The following CCNDBP1 variants were observed in gnomAD, a reference collection of about 807,000 sequenced individuals.
The protein encoded by CCNDBP1 is cyclin D1 binding protein 1, also known as cyclin-D1-binding protein 1.
In CCNDBP1, 45 loss-of-function variants were observed where a neutral mutation model predicts 46.2. The ratio of observed to expected loss-of-function variants is 0.97; its 90% CI spans 0.77 to 1.25. The LOEUF (loss-of-function observed/expected upper bound fraction) is 1.25, where lower values mean the gene tolerates loss of function less well. Among genes scored for constraint, CCNDBP1 ranks in the 50% most tolerant of loss-of-function variants. CCNDBP1 has a pLI of 0.00. For missense variants in CCNDBP1, 436 were observed against 442.1 expected (o/e 0.99, Z 0.12); for synonymous variants, 154 against 163.6 (o/e 0.94, Z 0.45).
intron 3 of CCNDBP1, among the ~76,000 whole-genome samples, chr15:43,188,134 C>T (rs1356146925): frequency 6.6e-6 from 1 of 152,032 alleles, no homozygotes; most frequent in Non-Finnish European, 1.5e-5. Context: ...TTATCTCATC[C>T]CTGACTGGTC....
At chr15:43,189,162 T>C (rs1189381060) in intron 3 of CCNDBP1, 37 bp from the exon 4 acceptor site, 1 of 1,141,076 alleles carries the variant, frequency 8.8e-7, no homozygotes, top group African/African-American at 1.6e-5. Flanking sequence ...AGCAGAAGGG[T>C]TGACCACTTT....
chr15:43,190,299 A>G (rs2041927804), intron 5 of CCNDBP1, 26 bp from the exon 6 acceptor site: 11 of 1,612,034 alleles, frequency 6.8e-6, no homozygotes, highest in Non-Finnish European at 8.5e-6. Context: ...GGTTATTAAT[A>G]TATCCTTACT....
chr15:43,186,324 A>G, intron 3 of CCNDBP1, 91 bp downstream of exon 3: 1 of 983,958 alleles, frequency 1.0e-6, no homozygotes, highest in South Asian at 1.4e-5. Context: ...GCACGCCAGG[A>G]GATTTCTTTT....
Position 43,192,604 on chromosome 15 carries a change from T to C in CCNDBP1, c.861-139T>C, listed in dbSNP as rs958783225. 24 of 692,876 alleles carry C rather than the reference T, an allele frequency of 3.5e-5. No individual in the cohort carries two copies. The African/African-American group carries it at 3.7e-4, about 11-fold the overall frequency. 42.9% of individuals were successfully genotyped at this position (692,876 alleles called of 1,614,324 possible). ...AAAGACTGGTTGAACTCATTCTGTA[T>C]TGGTTGCCCAGTTGCCCAATTTTAA... On this transcript the variant is annotated intron_variant, in intron 8 of 10. Coordinates refer to ENST00000300213, the MANE Select transcript of CCNDBP1 (RefSeq NM_012142.5).
rs554385536 is a variant in CCNDBP1 at position 43,195,007 on chromosome 15, C to A, written c.*166C>A. Reference sequence around the variant, plus strand: ...GATTGTTGGTTAGGCCAGATTGACACCTATTTATAAACCATATGCGTATAT... The same window carrying A: ...GATTGTTGGTTAGGCCAGATTGACAACTATTTATAAACCATATGCGTATAT... On this transcript the variant is annotated 3_prime_UTR_variant, in exon 11 of 11. Transcript: ENST00000300213. 277 of 533,018 alleles carry A rather than the reference C, an allele frequency of 5.2e-4. 1 individual carries two copies. The highest frequency in any genetic ancestry group is 2.4e-3 in the South Asian group (83 of 35,144). The allele number at this position is 533,018 out of a possible 1,614,324, so 33.0% of individuals were successfully genotyped here. A position where few individuals can be genotyped will look rare whatever the true frequency, so the allele number is the denominator to read the frequency against.
intron 3 of CCNDBP1, among the ~76,000 whole-genome samples, 157 bp downstream of exon 3, chr15:43,186,390 G>T (rs1426241798): frequency 6.6e-6 from 1 of 152,224 alleles, no homozygotes; most frequent in African/African-American, 2.4e-5. Context: ...TGTGAAGACC[G>T]AATTGCCAAG....
At position 43,195,464 on chromosome 15, in the gene CCNDBP1, T is replaced by G. The variant is rs1187870225; in HGVS notation, c.*623T>G. 1 of 152,254 alleles carries G rather than the reference T, an allele frequency of 6.6e-6. No individual in the cohort carries two copies. The highest frequency in any genetic ancestry group is 2.4e-5 in the African/African-American group (1 of 41,474). The allele number at this position is 152,254 out of a possible 1,614,324, so 9.4% of individuals were successfully genotyped here. ...TGGCATTGAGCTCATTTGTTAGGTT[T>G]GCCCACCTTATTGAACAGATTTATT... is the stretch of plus-strand genomic sequence containing the variant. On this transcript the variant is annotated 3_prime_UTR_variant, in exon 11 of 11. Coordinates refer to ENST00000300213, the MANE Select transcript of CCNDBP1 (RefSeq NM_012142.5).
In CCNDBP1 at chr15:43,191,543, C is replaced by T. The variant is rs753079979; in HGVS notation, c.728C>T (p.Pro243Leu). Residue 243 changes from proline to leucine, a missense_variant, in exon 8 of 11, where the codon CCA becomes CTA. By Grantham distance (98) the Pro-to-Leu change is moderately conservative (BLOSUM62 -3). Coordinates refer to ENST00000300213, the MANE Select transcript of CCNDBP1 (RefSeq NM_012142.5). ...WSEDDQELII[P>L]CLALVRASKA... ...GAGGACGATCAAGAGCTCATAATCCCATGCCTTGCGCTGGTGAGAGCATCC... is the reference window on the plus strand; with the variant it reads ...GAGGACGATCAAGAGCTCATAATCCTATGCCTTGCGCTGGTGAGAGCATCC... The T allele has an allele frequency of 3.1e-6, 5 of 1,613,960 alleles. No individual in the cohort carries two copies. The highest frequency in any genetic ancestry group is 4.2e-6 in the Non-Finnish European group (5 of 1,180,018).
intron 3 of CCNDBP1, chr15:43,188,986 G>A: frequency 2.9e-5 from 10 of 340,726 alleles, no homozygotes; most frequent in Non-Finnish European, 5.2e-5. Context: ...GCTGAGGCAG[G>A]AGAACTGCTT....
Position 43,185,461 on chromosome 15 carries a change from C to T in CCNDBP1, c.-38C>T. The T allele has an allele frequency of 6.8e-7, 1 of 1,479,328 alleles. No homozygotes were observed. Among genetic ancestry groups the T allele is most frequent in the Non-Finnish European group, 9.2e-7 (1 of 1,088,324 alleles). 91.6% of individuals were successfully genotyped at this position (1,479,328 alleles called of 1,614,324 possible). A position where few individuals can be genotyped will look rare whatever the true frequency, so the allele number is the denominator to read the frequency against. Reference sequence around the variant, plus strand: ...CGCAGTGCGGCTCCGGCAGTGGCAGCGGAGGCCTGTGTTTGCGGCCTTCGG... The same window carrying T: ...CGCAGTGCGGCTCCGGCAGTGGCAGTGGAGGCCTGTGTTTGCGGCCTTCGG... On this transcript the variant is annotated 5_prime_UTR_variant, in exon 1 of 11. Transcript: ENST00000300213.
rs368094476 is a variant in CCNDBP1, at chr15:43,192,766, T to C, written c.884T>C (p.Ile295Thr). The change falls in exon 9 of 11, where the codon ATA becomes ACA. Residue 295 changes from isoleucine to threonine, a missense_variant. By Grantham distance (89) the Ile-to-Thr change is moderately conservative. Coordinates refer to ENST00000300213, the MANE Select transcript of CCNDBP1 (RefSeq NM_012142.5). ...SPSVDDLALS[I>T]YPPMCHLTVR... The stretch of plus-strand genomic sequence containing the variant: ...AGTGTGGATGATTTGGCTCTGAGCA[T>C]ATATCCACCTATGTGTCACCTGACC... 3.1e-6 allele frequency: 5 copies of C among 1,614,090 alleles called. No homozygotes were observed. Among genetic ancestry groups the C allele is most frequent in the African/African-American group, 1.3e-5 (1 of 74,936 alleles).
rs2041793056 is a variant in CCNDBP1, at chr15:43,185,558, G to A, written c.60G>A (p.Gln20=). ...AVPTLASPLE[Q]LRHLAEELRL... is the part of the protein sequence containing the mutation. ...CCACCCTGGCTTCGCCTTTGGAGCA[G>A]CTCCGGCACTTGGCGGAGGAGCTGC... The change falls in exon 1 of 11, where the codon CAG becomes CAA. Residue 20 remains glutamine, a synonymous_variant. Transcript: ENST00000300213. 1.3e-6 allele frequency: 2 copies of A among 1,593,642 alleles called. No homozygotes were observed. Among genetic ancestry groups the A allele is most frequent in the Non-Finnish European group, 1.7e-6 (2 of 1,172,616 alleles).
At chr15:43,191,101 TAAAG>T (rs2041942425) in intron 7 of CCNDBP1, 59 bp downstream of exon 7, 3 of 1,337,736 alleles carry the variant, frequency 2.2e-6, no homozygotes, top group South Asian at 1.2e-5. Context: ...GAATTAATTA[TAAAG>T]AGAGATTTCC....
chr15:43,191,072 C>A lies in CCNDBP1; in HGVS notation c.579+30C>A, dbSNP rs1356925251. 4 of 1,490,864 alleles carry A rather than the reference C, an allele frequency of 2.7e-6. No homozygotes were observed. The South Asian group carries it at 4.5e-5, about 17-fold the overall frequency. The allele number at this position is 1,490,864 out of a possible 1,614,324, so 92.4% of individuals were successfully genotyped here. On this transcript the variant is annotated intron_variant, in intron 7 of 10. Coordinates refer to ENST00000300213, the MANE Select transcript of CCNDBP1 (RefSeq NM_012142.5). ...GGGGACCTCCATCATTGGAAGGCAA[C>A]TCCTTGACTAGTAGATGAGAATTAA...
chr15:43,192,796 G>A lies in CCNDBP1; in HGVS notation c.914G>A (p.Arg305Gln), dbSNP rs776264677. The change falls in exon 9 of 11, where the codon CGA becomes CAA. Residue 305 changes from arginine (R) to glutamine (Q), a missense_variant. By Grantham distance (43) the Arg-to-Gln change is conservative. Transcript: ENST00000300213. Reference protein sequence around the residue: ...IYPPMCHLTVRINSAKLVSVL... With the variant: ...IYPPMCHLTVQINSAKLVSVL... Reference sequence around the variant, plus strand: ...CCACCTATGTGTCACCTGACCGTGCGAATCAATGTAAGTACTGGCTTTGAG... The same window carrying A: ...CCACCTATGTGTCACCTGACCGTGCAAATCAATGTAAGTACTGGCTTTGAG... 41 of 1,613,892 alleles carry A rather than the reference G, an allele frequency of 2.5e-5. No individual in the cohort carries two copies. The highest frequency in any genetic ancestry group is 3.3e-5 in the South Asian group (3 of 91,080).
At position 43,185,727 on chromosome 15, in the gene CCNDBP1, G is replaced by T; in HGVS notation, c.110-93G>T. ...CGCGGAGAGGGCGGGCTGGGGCGGCGGCGGGGAGCCGGGCTTGGGCGAGGG... is the reference window on the plus strand; with the variant it reads ...CGCGGAGAGGGCGGGCTGGGGCGGCTGCGGGGAGCCGGGCTTGGGCGAGGG... On this transcript the variant is annotated intron_variant, in intron 1 of 10. Transcript: ENST00000300213. 7 of 1,459,684 alleles carry T rather than the reference G, an allele frequency of 4.8e-6. 1 individual carries two copies. In the South Asian group the frequency reaches 7.7e-5, roughly 16 times the overall value. The allele number at this position is 1,459,684 out of a possible 1,614,324, so 90.4% of individuals were successfully genotyped here.
chr15:43,196,442 C>T lies in CCNDBP1; in HGVS notation c.*1601C>T, dbSNP rs1011606709. 3.3e-5 allele frequency: 5 copies of T among 151,922 alleles called. No homozygotes were observed. Among genetic ancestry groups the T allele is most frequent in the African/African-American group, 9.7e-5 (4 of 41,338 alleles). 9.4% of individuals were successfully genotyped at this position (151,922 alleles called of 1,614,324 possible). On this transcript the variant is annotated 3_prime_UTR_variant, in exon 11 of 11. Transcript: ENST00000300213. ...AGCTGGGACTACAGATGCACACCAC[C>T]ATGTCCAGCTAATTTTTGTATTTTT...
At position 43,194,830 on chromosome 15, in the gene CCNDBP1, C is replaced by A; in HGVS notation, c.1072C>A (p.Leu358Ile). ...AATCAAGGAGCTCACTCAGAGTGAA[C>A]TTGAATTATGACTTTTCAGGCTCAT... ...NRIKELTQSE[L>I]EL Residue 358 changes from leucine (L) to isoleucine (I), a missense_variant, in exon 11 of 11, where the codon CTT becomes ATT. Leu to Ile is a conservative substitution (Grantham distance 5). Coordinates refer to ENST00000300213, the MANE Select transcript of CCNDBP1 (RefSeq NM_012142.5). 1 of 1,605,550 alleles carries A rather than the reference C, an allele frequency of 6.2e-7. No individual in the cohort carries two copies. Among genetic ancestry groups the A allele is most frequent in the Non-Finnish European group, 8.5e-7 (1 of 1,172,212 alleles).
intron 3 of CCNDBP1, 54 bp from the exon 4 acceptor site, chr15:43,189,145 A>T: frequency 1.2e-6 from 1 of 820,944 alleles, no homozygotes; most frequent in Non-Finnish European, 2.0e-6. Flanking sequence ...TATCTGCTCT[A>T]TTCCACAGCA....
Sources: allele counts gnomAD v4.1 joint callset (sites outside exome capture counted in the v4.1 genomes callset), GRCh38; gene constraint gnomAD v4.1.1; transcripts MANE v1.5; gene names NCBI Gene and HGNC (gene_info 2026-07-23, HGNC 2026-07-21).